CEP41: variants seen among roughly 807,000 people sequenced by gnomAD.
CEP41 encodes the protein centrosomal protein 41, also known as centrosomal protein of 41 kDa.
Under a neutral mutation model 44.3 loss-of-function variants are expected in CEP41, and 32 were observed. The observed-to-expected ratio is 0.72, with a 90% confidence interval of 0.54 to 0.97. CEP41 has a LOEUF of 0.97. Ranked by LOEUF, CEP41 falls within the 50% of genes least tolerant of loss-of-function variation. The probability of loss-of-function intolerance (pLI) is 0.00; values close to 1 mark genes in which losing one functional copy is unlikely to be tolerated. For synonymous variants in CEP41, 151 were observed against 168.5 expected (o/e 0.90, Z 0.80); for missense variants, 432 against 455.2 (o/e 0.95, Z 0.46).
At chr7:130,400,337 TA>T (rs1230039413) in intron 9 of CEP41, 83 bp from the exon 10 acceptor site, 3 of 935,158 alleles carry the variant, frequency 3.2e-6, no homozygotes, top group Non-Finnish European at 5.3e-6. Context: ...GCATGTCTTC[TA>T]ATCTCTGGTC....
At chr7:130,399,370 AG>A in intron 10 of CEP41, 1 of 360,286 alleles carries the variant, frequency 2.8e-6, no homozygotes, top group Non-Finnish European at 5.2e-6. Context: ...AAGAGAAAGC[AG>A]TACGGTGAAA....
rs1238770297 is a variant in CEP41, at chr7:130,395,901, A to G, written c.*2990T>C. ...AGGTTAAAAAAAAAAAAAAAGATAA[A>G]AGATAAAATGAATGCAGGCCATTTA... On this transcript the variant is annotated 3_prime_UTR_variant, in exon 11 of 11. Transcript: ENST00000223208. 2.3e-6 allele frequency: 1 copy of G among 441,842 alleles called. No individual in the cohort carries two copies. The highest frequency in any genetic ancestry group is 7.0e-5 in the East Asian group (1 of 14,384). 27.4% of individuals were successfully genotyped at this position (441,842 alleles called of 1,614,324 possible). A position where few individuals can be genotyped will look rare whatever the true frequency, so the allele number is the denominator to read the frequency against.
chr7:130,394,488 G>T lies in CEP41; in HGVS notation c.*4403C>A, dbSNP rs916134541. On this transcript the variant is annotated 3_prime_UTR_variant, in exon 11 of 11. Coordinates refer to ENST00000223208, the MANE Select transcript of CEP41 (RefSeq NM_018718.3). ...GAGAAAACCTACTCTTAAGATGGGGGTGGTGTGTGACCTTTGCGTGCTGAA... is the reference window on the plus strand; with the variant it reads ...GAGAAAACCTACTCTTAAGATGGGGTTGGTGTGTGACCTTTGCGTGCTGAA... 4 of 454,006 alleles carry T rather than the reference G, an allele frequency of 8.8e-6. No individual in the cohort carries two copies. Among genetic ancestry groups the T allele is most frequent in the Non-Finnish European group, 1.3e-5 (3 of 226,808 alleles). 28.1% of individuals were successfully genotyped at this position (454,006 alleles called of 1,614,324 possible). A position where few individuals can be genotyped will look rare whatever the true frequency, so the allele number is the denominator to read the frequency against.
At chr7:130,407,585 C>T (rs901972956) in intron 5 of CEP41, among the ~76,000 whole-genome samples, 9 of 152,062 alleles carry the variant, frequency 5.9e-5, no homozygotes, top group Middle Eastern at 3.2e-3. Context: ...TATCACAAAT[C>T]AGTGGGTAAA....
At chr7:130,423,109 G>T (rs1001410860) in intron 2 of CEP41, among the ~76,000 whole-genome samples, 2 of 152,054 alleles carry the variant, frequency 1.3e-5, no homozygotes, top group South Asian at 2.1e-4. Context: ...GCCATGCCTG[G>T]CTAATTTTTT....
At chr7:130,441,289 C>CCGGGGG (rs1225698218), upstream of CEP41, 14 of 380,998 alleles carry the variant, frequency 3.7e-5, no homozygotes, top group South Asian at 2.6e-4. Flanking sequence ...CTGCGCAAAG[C>CCGGGGG]CGGGGGCGGG....
chr7:130,421,915 G>A, intron 2 of CEP41: 3 of 1,534,376 alleles, frequency 2.0e-6, no homozygotes, highest in Non-Finnish European at 2.6e-6. Context: ...GGTGGTGACT[G>A]AACAAAACGC....
intron 1 of CEP41, among the ~76,000 whole-genome samples, chr7:130,429,058 G>A (rs991189493): frequency 6.6e-6 from 1 of 152,196 alleles, no homozygotes; most frequent in Admixed American, 6.5e-5. Context: ...GATGACCAAA[G>A]GCAGTTGTCC....
upstream of CEP41, among the ~76,000 whole-genome samples, chr7:130,441,413 T>C (rs1156796819): frequency 6.6e-6 from 1 of 152,178 alleles, no homozygotes; most frequent in African/African-American, 2.4e-5. Flanking sequence ...CAACCAAACA[T>C]CTGGGCTACT....
intron 2 of CEP41, chr7:130,419,877 TCA>T (rs1248039168): frequency 1.0e-6 from 1 of 985,104 alleles, no homozygotes; most frequent in Non-Finnish European, 1.2e-6. Context: ...GGCTTACAAC[TCA>T]CAAGGCATTT....
At chr7:130,428,696 AAGGTCAGG>A (rs199937274) in intron 1 of CEP41, among the ~76,000 whole-genome samples, 3,245 of 151,612 alleles carry the variant, frequency 0.021, 52 homozygotes, top group Middle Eastern at 0.062. Context: ...GGTGGATCAC[AAGGTCAGG>A]AGATAGAGAC....
At chr7:130,399,225 G>T in intron 10 of CEP41, 186 bp from the exon 11 acceptor site, 1 of 682,788 alleles carries the variant, frequency 1.5e-6, no homozygotes. Flanking sequence ...TGAAGGTGGG[G>T]AGGGGGACAG....
At chr7:130,426,874 G>C in intron 2 of CEP41, 1 of 261,568 alleles carries the variant, frequency 3.8e-6, no homozygotes, top group Non-Finnish European at 7.6e-6. Flanking sequence ...CAAAATCCCC[G>C]TGCCACAATT....
At position 130,420,410 on chromosome 7, in the gene CEP41, G is replaced by A. The variant is rs137937700; in HGVS notation, c.98-3444C>T. The A allele has an allele frequency of 7.9e-3, 1,193 of 151,030 alleles. 17 individuals are homozygous for A. Among genetic ancestry groups the A allele is most frequent in the African/African-American group, 0.028 (1,130 of 41,080 alleles). The allele number at this position is 151,030 out of a possible 1,614,324, so 9.4% of individuals were successfully genotyped here. On this transcript the variant is annotated intron_variant, in intron 2 of 10. Coordinates refer to ENST00000223208, the MANE Select transcript of CEP41 (RefSeq NM_018718.3). Reference sequence around the variant, plus strand: ...AGCACTTTGGGAGACTGAGGTGGAAGGATTGCTCGAGGCCAGGAGTTCAAG... The same window carrying A: ...AGCACTTTGGGAGACTGAGGTGGAAAGATTGCTCGAGGCCAGGAGTTCAAG...
chr7:130,418,605 C>G (rs1797407972), intron 2 of CEP41, among the ~76,000 whole-genome samples: 1 of 152,132 alleles, frequency 6.6e-6, no homozygotes, highest in South Asian at 2.1e-4. Flanking sequence ...TTTAGGCAAT[C>G]TAGTCAGAAA....
intron 1 of CEP41, among the ~76,000 whole-genome samples, chr7:130,428,428 C>CAAAAAAAAAA (rs67847969): frequency 5.3e-5 from 2 of 38,084 alleles, no homozygotes; most frequent in Non-Finnish European, 9.1e-5. Flanking sequence ...GACTCTGACT[C>CAAAAAAAAAA]AAAAAAAAAA....
intron 5 of CEP41, among the ~76,000 whole-genome samples, chr7:130,406,596 A>C (rs1037140038): frequency 4.6e-5 from 7 of 152,168 alleles, no homozygotes; most frequent in African/African-American, 1.4e-4. Flanking sequence ...AAAAATAAAT[A>C]AATAAAAATA....
intron 7 of CEP41, 140 bp downstream of exon 7, chr7:130,402,508 C>A: frequency 1.1e-6 from 1 of 913,468 alleles, no homozygotes; most frequent in East Asian, 2.5e-5. Flanking sequence ...GGAGCCAACC[C>A]TATAGGATTC....
At chr7:130,400,547 C>T (rs1554416603) in intron 9 of CEP41, 160 bp downstream of exon 9, 4 of 680,240 alleles carry the variant, frequency 5.9e-6, no homozygotes, top group Non-Finnish European at 1.1e-5. Context: ...GCTGATGAAG[C>T]TAAGGGAAGT....
Sources: gnomAD v4.1 joint callset for allele counts (sites outside exome capture counted in the v4.1 genomes callset) on GRCh38, gnomAD v4.1.1 for gene constraint, MANE v1.5 for transcripts, NCBI Gene and HGNC (gene_info 2026-07-23, HGNC 2026-07-21) for gene names.